OPCML: variants seen among roughly 807,000 people sequenced by gnomAD.
OPCML encodes the protein opioid-binding protein/cell adhesion molecule.
A neutral mutation model predicts 37.8 loss-of-function variants in OPCML; 13 were observed. That is an observed-to-expected ratio of 0.34 (90% CI 0.22 to 0.55). The LOEUF (loss-of-function observed/expected upper bound fraction) is 0.55. OPCML is among the 20% of genes least tolerant of loss of function. The pLI is 0.91. For synonymous variants in OPCML, 176 were observed against 168.8 expected (o/e 1.04, Z -0.33); for missense variants, 341 against 435.6 (o/e 0.78, Z 1.93).
chr11:133,235,944 C>T (rs1940494416), intron 1 of OPCML, among the ~76,000 whole-genome samples: 1 of 152,200 alleles, frequency 6.6e-6, no homozygotes, highest in African/African-American at 2.4e-5. Flanking sequence ...CTGTTATCAG[C>T]AGGGGATAGT....
At position 133,140,853 on chromosome 11, in the gene OPCML, C is replaced by CGAA. The variant is rs1213600616; in HGVS notation, c.62-197846_62-197844dup. On this transcript the variant is annotated intron_variant, in intron 1 of 7. Transcript: ENST00000524381. ...ACGACGAAGAAGACGACGACGACGACGAAGAAGACGACGACGACGAAGAAG... is the reference window on the plus strand; with the variant it reads ...ACGACGAAGAAGACGACGACGACGACGAAGAAGAAGACGACGACGACGAAGAAG... Among the ~76,000 whole-genome samples the CGAA allele has an allele frequency of 9.4e-3, 263 of 27,960 alleles. 35 individuals carry two copies. The highest frequency in any genetic ancestry group is 0.021 in the Middle Eastern group (1 of 48). 18.3% of individuals were successfully genotyped at this position (27,960 alleles called of 152,430 possible). A position where few individuals can be genotyped will look rare whatever the true frequency, so the allele number is the denominator to read the frequency against.
chr11:132,512,385 C>T (rs1444057971), intron 4 of OPCML, among the ~76,000 whole-genome samples: 1 of 151,908 alleles, frequency 6.6e-6, no homozygotes, highest in Non-Finnish European at 1.5e-5. Flanking sequence ...AATATATGTC[C>T]AGAAAAAGGC....
chr11:133,395,146 A>G (rs1181765052), intron 1 of OPCML, among the ~76,000 whole-genome samples: 1 of 152,174 alleles, frequency 6.6e-6, no homozygotes, highest in Non-Finnish European at 1.5e-5. Context: ...ACCTTTTCAT[A>G]TGCCTGTTTG....
intron 1 of OPCML, among the ~76,000 whole-genome samples, chr11:133,476,121 G>A (rs2137015978): frequency 6.6e-6 from 1 of 152,264 alleles, no homozygotes; most frequent in African/African-American, 2.4e-5. Flanking sequence ...GTAAACAGGA[G>A]ACCAAGGCAT....
chr11:133,314,751 C>T lies in OPCML; in HGVS notation c.61+217513G>A, dbSNP rs1274922082. On this transcript the variant is annotated intron_variant, in intron 1 of 7. Transcript: ENST00000524381. Reference sequence around the variant, plus strand: ...GGCACGCCTGGCCAGGACGCTAAGGCTCCATGTGCCCACGGCTCCCAAGCA... The same window carrying T: ...GGCACGCCTGGCCAGGACGCTAAGGTTCCATGTGCCCACGGCTCCCAAGCA... Among the ~76,000 whole-genome samples the T allele has an allele frequency of 2.0e-5, 3 of 152,156 alleles. No homozygotes were observed. The East Asian group carries it at 5.8e-4, about 29-fold the overall frequency.
intron 1 of OPCML, among the ~76,000 whole-genome samples, chr11:133,120,203 CAT>C (rs753938953): frequency 6.6e-6 from 1 of 152,150 alleles, no homozygotes; most frequent in Non-Finnish European, 1.5e-5. Context: ...CATATTCTAA[CAT>C]ATATATTTGT....
intron 1 of OPCML, among the ~76,000 whole-genome samples, chr11:133,034,947 G>C (rs554316821): frequency 2.4e-4 from 37 of 152,186 alleles, no homozygotes; most frequent in Admixed American, 1.0e-3. Flanking sequence ...ATGATGCAAT[G>C]GGAGCTCTTT....
intron 4 of OPCML, among the ~76,000 whole-genome samples, chr11:132,486,061 T>A (rs2096198833): frequency 6.6e-6 from 1 of 152,216 alleles, no homozygotes; most frequent in Non-Finnish European, 1.5e-5. Context: ...CACTTAGTAT[T>A]GTCAGTCACA....
chr11:133,445,362 A>T lies in OPCML; in HGVS notation c.61+86902T>A, dbSNP rs148322135. ...TTGACATGAGCTTATGCCATGCCAT[A>T]AGCTTAAACTCAGGCAGACCTGCTC... is the stretch of plus-strand genomic sequence containing the variant. On this transcript the variant is annotated intron_variant, in intron 1 of 7. Transcript: ENST00000524381. 8.5e-5 allele frequency among the ~76,000 whole-genome samples: 13 copies of T among 152,296 alleles called. No homozygotes were observed. In the East Asian group the frequency reaches 2.5e-3, roughly 29 times the overall value.
intron 2 of OPCML, among the ~76,000 whole-genome samples, chr11:132,826,268 G>C (rs1048020699): frequency 1.3e-5 from 2 of 152,186 alleles, no homozygotes. Context: ...TGGAAACTAT[G>C]AAAAATGCAT....
At chr11:133,183,662 AAG>A (rs1937942046) in intron 1 of OPCML, among the ~76,000 whole-genome samples, 1 of 152,180 alleles carries the variant, frequency 6.6e-6, no homozygotes, top group Non-Finnish European at 1.5e-5. Flanking sequence ...ATGTTATTTT[AAG>A]AGATACAAAG....
intron 3 of OPCML, among the ~76,000 whole-genome samples, chr11:132,549,660 G>A (rs1165897286): frequency 6.6e-6 from 1 of 152,200 alleles, no homozygotes; most frequent in Non-Finnish European, 1.5e-5. Context: ...AGCAAGCTGG[G>A]AGCTTGCACG....
At chr11:133,360,336 C>T (rs762636953) in intron 1 of OPCML, 6 of 152,218 alleles carry the variant, frequency 3.9e-5, no homozygotes, top group Non-Finnish European at 7.3e-5. Context: ...ACATTGGAAC[C>T]ATGAAGTTCT....
intron 2 of OPCML, among the ~76,000 whole-genome samples, chr11:132,891,947 T>C (rs1943665588): frequency 7.1e-6 from 1 of 140,568 alleles, no homozygotes; most frequent in South Asian, 2.4e-4. Context: ...GGTTCCCCTA[T>C]ACCTGGGCTC....
chr11:133,024,589 T>C, intron 1 of OPCML: 1 of 984,106 alleles, frequency 1.0e-6, no homozygotes, highest in Non-Finnish European at 1.2e-6. Context: ...ATTTTTGCCC[T>C]GTGAATATTT....
At chr11:133,006,870 C>A (rs1343425742) in intron 1 of OPCML, 1 of 985,324 alleles carries the variant, frequency 1.0e-6, no homozygotes, top group African/African-American at 1.7e-5. Context: ...TATCAGAATG[C>A]AGTAGGCTCA....
At position 132,416,977 on chromosome 11, in the gene OPCML, G is replaced by A. The variant is rs1369396572; in HGVS notation, c.*3216C>T. 1 of 152,528 alleles carries A rather than the reference G, an allele frequency of 6.6e-6. No individual in the cohort carries two copies. Among genetic ancestry groups the A allele is most frequent in the Non-Finnish European group, 1.5e-5 (1 of 68,044 alleles). The allele number at this position is 152,528 out of a possible 1,614,324, so 9.4% of individuals were successfully genotyped here. A position where few individuals can be genotyped will look rare whatever the true frequency, so the allele number is the denominator to read the frequency against. ...GGAAGTGCATATGAACTCTGTTTTGGGAAGGGGAAGGGTTTCAGAGTCCCT... is the reference window on the plus strand; with the variant it reads ...GGAAGTGCATATGAACTCTGTTTTGAGAAGGGGAAGGGTTTCAGAGTCCCT... On this transcript the variant is annotated 3_prime_UTR_variant, in exon 8 of 8. Coordinates refer to ENST00000524381, the MANE Select transcript of OPCML (RefSeq NM_001012393.5).
At chr11:133,480,315 C>A (rs1385440813) in intron 1 of OPCML, among the ~76,000 whole-genome samples, 1 of 152,168 alleles carries the variant, frequency 6.6e-6, no homozygotes, top group Admixed American at 6.5e-5. Context: ...AACTGTGGTC[C>A]GGAGGGTTGC....
At chr11:133,310,765 C>T (rs781594664) in intron 1 of OPCML, among the ~76,000 whole-genome samples, 47 of 152,238 alleles carry the variant, frequency 3.1e-4, no homozygotes, top group Non-Finnish European at 5.4e-4. Flanking sequence ...AATCCTGGCT[C>T]AAATAGAAAA....
Sources: gnomAD v4.1 joint callset for allele counts (sites outside exome capture counted in the v4.1 genomes callset) on GRCh38, gnomAD v4.1.1 for gene constraint, MANE v1.5 for transcripts, NCBI Gene and HGNC (gene_info 2026-07-23, HGNC 2026-07-21) for gene names.